The following LRR1 variants were observed in gnomAD, a reference collection of about 807,000 sequenced individuals.
LRR1 encodes leucine rich repeat protein 1, also known as leucine-rich repeat protein 1.
In LRR1, 29 loss-of-function variants were observed where a neutral mutation model predicts 31.6. The ratio of observed to expected loss-of-function variants is 0.92; its 90% confidence interval spans 0.68 to 1.25. The LOEUF is 1.25. Among genes scored for constraint, LRR1 ranks in the 50% most tolerant of loss-of-function variants. LRR1 has a pLI of 0.00. For synonymous variants in LRR1, 179 were observed against 181.4 expected (o/e 0.99, Z 0.10); for missense variants, 485 against 487.2 (o/e 1.00, Z 0.04).
rs561353188 is a variant in LRR1 at position 49,609,349 on chromosome 14, C to T, written c.1004+1228C>T. On this transcript the variant is annotated intron_variant, in intron 3 of 3. Transcript: ENST00000298288. ...CAAGCAACTCTTCTGCCTCAGCCTC[C>T]TGAGTAGCTGGGATTACAGGCGCCC... Among the ~76,000 whole-genome samples the T allele has an allele frequency of 4.8e-3, 728 of 151,658 alleles. 8 individuals are homozygous for T. The highest frequency in any genetic ancestry group is 0.017 in the African/African-American group (700 of 41,324).
At chr14:49,599,951 G>A (rs1163196465) in intron 1 of LRR1, 10 of 1,499,398 alleles carry the variant, frequency 6.7e-6, no homozygotes, top group South Asian at 2.5e-5. Context: ...CGGGGCGGGG[G>A]CTCCGGGGGG....
chr14:49,606,915 C>G (rs994647383), intron 2 of LRR1, among the ~76,000 whole-genome samples: 1 of 152,196 alleles, frequency 6.6e-6, no homozygotes, highest in Non-Finnish European at 1.5e-5. Context: ...CCTCGGCCTC[C>G]CAAAGTGCTG....
chr14:49,608,236 T>TTGC, intron 3 of LRR1, 115 bp downstream of exon 3: 1 of 1,120,574 alleles, frequency 8.9e-7, no homozygotes, highest in Non-Finnish European at 1.2e-6. Context: ...GTCTGACCCT[T>TTGC]TGCTATAATG....
chr14:49,604,437 C>T (rs1882209217), intron 2 of LRR1, among the ~76,000 whole-genome samples: 1 of 152,168 alleles, frequency 6.6e-6, no homozygotes, highest in Non-Finnish European at 1.5e-5. Context: ...CGGTGGCTCA[C>T]GCCTATGATC....
rs1882615089 is a variant in LRR1 at position 49,614,246 on chromosome 14, T to C, written c.1005-10T>C. On this transcript the variant is annotated splice_polypyrimidine_tract_variant and intron_variant, in intron 3 of 3. Coordinates refer to ENST00000298288, the MANE Select transcript of LRR1 (RefSeq NM_152329.4). ...ATGTTATAAAATATTTTTATCATTC[T>C]TTCCAATAGGATTCCATATGGCTCT... The C allele has an allele frequency of 2.5e-6, 4 of 1,603,752 alleles. No homozygotes were observed. Among genetic ancestry groups the C allele is most frequent in the Non-Finnish European group, 3.4e-6 (4 of 1,175,244 alleles).
chr14:49,607,367 G>T, intron 2 of LRR1, 33 bp from the exon 3 acceptor site: 2 of 1,516,218 alleles, frequency 1.3e-6, no homozygotes, highest in South Asian at 1.4e-5. Flanking sequence ...ATCTCCAGTG[G>T]AATTTATAAT....
At chr14:49,608,405 G>GT (rs1882371530) in intron 3 of LRR1, among the ~76,000 whole-genome samples, 1 of 8,710 alleles carries the variant, frequency 1.1e-4, no homozygotes, top group Admixed American at 1.1e-3. Context: ...TACATTGCTT[G>GT]ATTTTTTTTT....
At chr14:49,611,601 T>G (rs975670323) in intron 3 of LRR1, among the ~76,000 whole-genome samples, 1 of 151,786 alleles carries the variant, frequency 6.6e-6, no homozygotes, top group African/African-American at 2.4e-5. Context: ...AGGCTATTGT[T>G]TCTCTAAGAC....
intron 3 of LRR1, among the ~76,000 whole-genome samples, chr14:49,610,040 A>G (rs1486027447): frequency 6.6e-6 from 1 of 151,636 alleles, no homozygotes; most frequent in Non-Finnish European, 1.5e-5. Flanking sequence ...CACCTGACCT[A>G]TTTAACCTCT....
intron 2 of LRR1, 81 bp downstream of exon 2, chr14:49,602,549 C>A: frequency 3.4e-6 from 4 of 1,187,428 alleles, no homozygotes; most frequent in Non-Finnish European, 4.9e-6. Flanking sequence ...TTCTGTCACC[C>A]AAGCTGAAGT....
chr14:49,612,743 C>T (rs1594592913), intron 3 of LRR1: 1 of 647,914 alleles, frequency 1.5e-6, no homozygotes, highest in Non-Finnish European at 2.0e-6. Context: ...TATCTGAGCA[C>T]CTATTATGTG....
chr14:49,603,453 AT>A (rs2139537150), intron 2 of LRR1: 1 of 272,166 alleles, frequency 3.7e-6, no homozygotes, highest in African/African-American at 2.3e-5. Flanking sequence ...GTTTGTTGTA[AT>A]AAAAGAGGAA....
chr14:49,603,295 C>G (rs562551277), intron 2 of LRR1, among the ~76,000 whole-genome samples: 5 of 152,292 alleles, frequency 3.3e-5, no homozygotes, highest in Admixed American at 3.3e-4. Flanking sequence ...AGGGCAAAGT[C>G]TGCCTCAGTA....
intron 3 of LRR1, among the ~76,000 whole-genome samples, chr14:49,613,287 C>T (rs144685229): frequency 0.039 from 5,744 of 145,828 alleles, 122 homozygotes; most frequent in Middle Eastern, 0.14. Context: ...TGCAGTGAGC[C>T]GAGATTGTGC....
chr14:49,607,569 A>C lies in LRR1; in HGVS notation c.452A>C (p.Asn151Thr). 1 of 1,614,144 alleles carries C rather than the reference A, an allele frequency of 6.2e-7. No individual in the cohort carries two copies. The highest frequency in any genetic ancestry group is 8.5e-7 in the Non-Finnish European group (1 of 1,180,022). The change falls in exon 3 of 4, where the codon AAT (asparagine) becomes ACT (threonine). Residue 151 changes from asparagine (N) to threonine (T), a missense_variant. By Grantham distance (65) the Asn-to-Thr change is moderately conservative. This residue lies in a region of LRR1 where 260 missense variants were observed against 249.6 expected (regional missense o/e 1.04). Coordinates refer to ENST00000298288, the MANE Select transcript of LRR1 (RefSeq NM_152329.4). ...AAAAAAGACTATCCTCTAAGTAAGA[A>C]TTTTCCATATTCCTTGGAACATCTT... ...TSKKDYPLSK[N>T]FPYSLEHLQT... is the part of the protein sequence containing the mutation.
chr14:49,601,501 AT>A (rs774836848), intron 1 of LRR1: 44 of 696,568 alleles, frequency 6.3e-5, no homozygotes, highest in Non-Finnish European at 8.7e-5. Flanking sequence ...TAATCATTAA[AT>A]TTTTTTTGAG....
At position 49,614,614 on chromosome 14, in the gene LRR1, G is replaced by T. The variant is rs966209339; in HGVS notation, c.*118G>T. The T allele has an allele frequency of 6.6e-6, 9 of 1,364,468 alleles. No homozygotes were observed. The African/African-American group carries it at 1.1e-4, about 17-fold the overall frequency. 84.5% of individuals were successfully genotyped at this position (1,364,468 alleles called of 1,614,324 possible). Reference sequence around the variant, plus strand: ...TGTATACTTGCTGGAGAGGAGGAATGTGTATAGTTACTCATTTAGATGACT... The same window carrying T: ...TGTATACTTGCTGGAGAGGAGGAATTTGTATAGTTACTCATTTAGATGACT... On this transcript the variant is annotated 3_prime_UTR_variant, in exon 4 of 4. Coordinates refer to ENST00000298288, the MANE Select transcript of LRR1 (RefSeq NM_152329.4).
At chr14:49,606,650 T>A (rs1240607669) in intron 2 of LRR1, among the ~76,000 whole-genome samples, 1 of 12,668 alleles carries the variant, frequency 7.9e-5, no homozygotes, top group African/African-American at 3.8e-4. Context: ...TAAACTCAAA[T>A]TTTTTTTTTT....
At chr14:49,612,824 A>C (rs1177171629) in intron 3 of LRR1, among the ~76,000 whole-genome samples, 1 of 152,152 alleles carries the variant, frequency 6.6e-6, no homozygotes, top group African/African-American at 2.4e-5. Context: ...TGGCTGGAGC[A>C]TGGTTGTGTT....
Sources: gnomAD v4.1 joint callset for allele counts (sites outside exome capture counted in the v4.1 genomes callset) on GRCh38, gnomAD v4.1.1 for gene constraint, gnomAD v4.1.1 regional missense constraint, MANE v1.5 for transcripts, NCBI Gene and HGNC (gene_info 2026-07-23, HGNC 2026-07-21) for gene names.